Variants in EBF2 observed in about 807,000 individuals in gnomAD.
The protein encoded by EBF2 is transcription factor COE2.
In EBF2, 21 loss-of-function variants were observed where a neutral mutation model predicts 72.8. The observed-to-expected ratio is 0.29, with a 90% CI of 0.20 to 0.42. EBF2 has a LOEUF of 0.42. Among genes scored for constraint, EBF2 ranks in the 10% least tolerant of loss-of-function variants. The probability of loss-of-function intolerance (pLI) is 1.00; values close to 1 mark genes in which losing one functional copy is unlikely to be tolerated. For synonymous variants in EBF2, 299 were observed against 274.2 expected (o/e 1.09, Z -0.89); for missense variants, 637 against 731.2 (o/e 0.87, Z 1.49).
Position 25,860,859 on chromosome 8 carries a change from C to T in EBF2, c.1342+190G>A, listed in dbSNP as rs375459567. ...CCTTAAATATTTCCAGACATTCTAC[C>T]TGGTACCTAAGAAGCTCAAACTCTA... On this transcript the variant is annotated intron_variant, in intron 13 of 15. Coordinates refer to ENST00000520164, the MANE Select transcript of EBF2 (RefSeq NM_022659.4). 3.3e-5 allele frequency among the ~76,000 whole-genome samples: 5 copies of T among 152,250 alleles called. No individual in the cohort carries two copies. In the East Asian group the frequency reaches 7.7e-4, roughly 24 times the overall value.
chr8:25,903,293 C>G (rs1802984569), intron 7 of EBF2, among the ~76,000 whole-genome samples: 1 of 151,632 alleles, frequency 6.6e-6, no homozygotes, highest in Non-Finnish European at 1.5e-5. Context: ...CTCTGCCTTC[C>G]TAAGAGCTGG....
chr8:25,854,837 A>G (rs1009789533), intron 14 of EBF2, among the ~76,000 whole-genome samples: 2 of 152,208 alleles, frequency 1.3e-5, no homozygotes, highest in Admixed American at 1.3e-4. Context: ...CTATAAAACA[A>G]TTGAACCCCA....
intron 6 of EBF2, among the ~76,000 whole-genome samples, chr8:26,008,592 C>G (rs74646906): frequency 6.6e-6 from 1 of 152,094 alleles, no homozygotes; most frequent in Non-Finnish European, 1.5e-5. Flanking sequence ...GAAAAATTCT[C>G]GATTGCAAAG....
intron 14 of EBF2, among the ~76,000 whole-genome samples, chr8:25,852,344 T>TTTCTAACTTTTCAC (rs1801999507): frequency 6.6e-6 from 1 of 152,132 alleles, no homozygotes; most frequent in Admixed American, 6.5e-5. Context: ...CAACTTTTCA[T>TTTCTAACTTTTCAC]TTTCTCTACG....
At chr8:26,021,331 T>C (rs943734023) in intron 6 of EBF2, among the ~76,000 whole-genome samples, 2 of 152,222 alleles carry the variant, frequency 1.3e-5, no homozygotes, top group African/African-American at 4.8e-5. Context: ...ATCTCCTACG[T>C]GTGAATCAGC....
chr8:26,038,735 A>G (rs1018933708), intron 5 of EBF2, among the ~76,000 whole-genome samples: 14 of 152,198 alleles, frequency 9.2e-5, no homozygotes, highest in African/African-American at 3.1e-4. Flanking sequence ...CCTTCCCCCC[A>G]GCTACTCCAG....
At chr8:25,873,190 T>G (rs1263988127) in intron 10 of EBF2, among the ~76,000 whole-genome samples, 1 of 152,202 alleles carries the variant, frequency 6.6e-6, no homozygotes, top group African/African-American at 2.4e-5. Context: ...GGTCCTAGCT[T>G]GGGAGCTGCC....
rs528549862 is a variant in EBF2 at position 26,021,274 on chromosome 8, A to G, written c.551+11811T>C. On this transcript the variant is annotated intron_variant, in intron 6 of 15. Coordinates refer to ENST00000520164, the MANE Select transcript of EBF2 (RefSeq NM_022659.4). ...TGACAAAGAAGAGGGGAAAATGCTGATGGATCCCAATAATGCTTTCTGCTC... is the reference window on the plus strand; with the variant it reads ...TGACAAAGAAGAGGGGAAAATGCTGGTGGATCCCAATAATGCTTTCTGCTC... Among the ~76,000 whole-genome samples, 12 of 152,298 alleles carry G rather than the reference A, an allele frequency of 7.9e-5. No homozygotes were observed. The South Asian group carries it at 2.5e-3, about 32-fold the overall frequency.
intron 10 of EBF2, among the ~76,000 whole-genome samples, chr8:25,864,303 T>C (rs1802264300): frequency 6.6e-6 from 1 of 152,226 alleles, no homozygotes; most frequent in African/African-American, 2.4e-5. Flanking sequence ...TTTTTTCTTA[T>C]ATTTGCTGAT....
chr8:26,042,289 G>A (rs775433882), intron 1 of EBF2, 38 bp from the exon 2 acceptor site: 1 of 1,586,700 alleles, frequency 6.3e-7, no homozygotes. Flanking sequence ...CAAGACACGG[G>A]GAAGCACAAA....
chr8:25,946,334 T>C (rs1173948249), intron 6 of EBF2, among the ~76,000 whole-genome samples: 1 of 152,176 alleles, frequency 6.6e-6, no homozygotes, highest in Non-Finnish European at 1.5e-5. Flanking sequence ...CTATACCTTC[T>C]TCATAACGGT....
intron 14 of EBF2, chr8:25,857,950 C>T (rs1327444768): frequency 2.7e-6 from 1 of 364,240 alleles, no homozygotes; most frequent in African/African-American, 2.1e-5. Flanking sequence ...AGAAAAAGTT[C>T]TTATCGAAAA....
chr8:25,905,530 G>A (rs1803019685), intron 7 of EBF2, among the ~76,000 whole-genome samples: 1 of 152,148 alleles, frequency 6.6e-6, no homozygotes, highest in East Asian at 1.9e-4. Context: ...ATTGATACAT[G>A]CTATCACATA....
intron 6 of EBF2, among the ~76,000 whole-genome samples, chr8:25,971,916 A>G (rs1468010225): frequency 1.3e-5 from 2 of 152,104 alleles, no homozygotes; most frequent in African/African-American, 4.8e-5. Context: ...CTGGGCTGCA[A>G]GGCTGGGCGC....
intron 6 of EBF2, among the ~76,000 whole-genome samples, chr8:25,916,173 C>A (rs555449709): frequency 1.3e-5 from 2 of 151,362 alleles, no homozygotes; most frequent in South Asian, 2.1e-4. Context: ...GTAATCCTAG[C>A]GACTTGGGAG....
intron 10 of EBF2, 21 bp from the exon 11 acceptor site, chr8:25,862,818 T>C (rs1453553407): frequency 1.3e-6 from 2 of 1,561,790 alleles, no homozygotes; most frequent in Non-Finnish European, 1.7e-6. Flanking sequence ...AAAGTCCTCT[T>C]TCTGAGTTGG....
chr8:25,906,102 G>T (rs764022712), intron 7 of EBF2, among the ~76,000 whole-genome samples: 28 of 152,162 alleles, frequency 1.8e-4, no homozygotes, highest in Admixed American at 1.6e-3. Flanking sequence ...GCATGCATTT[G>T]CTTTGTGAAT....
intron 6 of EBF2, among the ~76,000 whole-genome samples, chr8:25,991,809 G>A (rs1376740387): frequency 6.6e-6 from 1 of 152,060 alleles, no homozygotes; most frequent in East Asian, 1.9e-4. Context: ...TCGCACAACT[G>A]CACTCCAGCC....
At chr8:25,970,894 G>A (rs906620389) in intron 6 of EBF2, among the ~76,000 whole-genome samples, 11 of 152,198 alleles carry the variant, frequency 7.2e-5, no homozygotes, top group South Asian at 4.1e-4. Context: ...GTGCAGTGGC[G>A]CGATCACAGC....
Sources: allele counts gnomAD v4.1 joint callset (sites outside exome capture counted in the v4.1 genomes callset), GRCh38; gene constraint gnomAD v4.1.1; transcripts MANE v1.5; gene names NCBI Gene and HGNC (gene_info 2026-07-23, HGNC 2026-07-21).